MYO18A: variants seen among roughly 807,000 people sequenced by gnomAD.
The protein encoded by MYO18A is myosin XVIIIA.
Under a neutral mutation model 235.8 loss-of-function variants are expected in MYO18A, and 78 were observed. That is an observed-to-expected ratio of 0.33 (90% confidence interval 0.28 to 0.40). MYO18A has a LOEUF of 0.40. Among genes scored for constraint, MYO18A ranks in the 10% least tolerant of loss-of-function variants. MYO18A has a pLI of 1.00. For missense variants in MYO18A, 2,215 were observed against 2,699.3 expected (o/e 0.82, Z 3.98); for synonymous variants, 977 against 1,077.8 (o/e 0.91, Z 1.83).
intron 2 of MYO18A, among the ~76,000 whole-genome samples, chr17:29,165,102 G>C (rs1034264182): frequency 2.0e-5 from 3 of 152,186 alleles, no homozygotes; most frequent in Non-Finnish European, 4.4e-5. Context: ...ATCTGCCCCT[G>C]CTTTCTCTGC....
In MYO18A at chr17:29,167,700, C is replaced by CAA. The variant is rs748643802; in HGVS notation, c.-81-681_-81-680dup. 7.0e-3 allele frequency among the ~76,000 whole-genome samples: 841 copies of CAA among 119,322 alleles called. 9 individuals carry two copies. The highest frequency in any genetic ancestry group is 0.022 in the African/African-American group (780 of 34,784). 78.3% of individuals were successfully genotyped at this position (119,322 alleles called of 152,430 possible). ...TGGGCAACAGAGTGAGACCCTGTCT[C>CAA]AAAAAAAAAAAAAAGATTCAAACTC... is the stretch of plus-strand genomic sequence containing the variant. On this transcript the variant is annotated intron_variant, in intron 1 of 41. Coordinates refer to ENST00000527372, the MANE Select transcript of MYO18A (RefSeq NM_078471.4).
intron 2 of MYO18A, among the ~76,000 whole-genome samples, chr17:29,156,341 C>T (rs543386574): frequency 6.6e-5 from 10 of 152,338 alleles, no homozygotes; most frequent in Middle Eastern, 3.4e-3. Context: ...CCAAGCCTGG[C>T]ACCTTCATGT....
At position 29,169,134 on chromosome 17, in the gene MYO18A, C is replaced by T. The variant is rs182666209; in HGVS notation, c.-81-2113G>A. 7.0e-3 allele frequency among the ~76,000 whole-genome samples: 1,069 copies of T among 152,090 alleles called. 2 individuals carry two copies. The highest frequency in any genetic ancestry group is 0.011 in the Non-Finnish European group (734 of 67,962). ...GCGTGATCTCGGCTCACTGCAACCT[C>T]TGCCTCCCAGGGTTCACGCCATTCT... On this transcript the variant is annotated intron_variant, in intron 1 of 41. Coordinates refer to ENST00000527372, the MANE Select transcript of MYO18A (RefSeq NM_078471.4).
At chr17:29,142,896 C>T (rs2067771072) in intron 2 of MYO18A, among the ~76,000 whole-genome samples, 1 of 152,270 alleles carries the variant, frequency 6.6e-6, no homozygotes. Context: ...CAACCTCCGC[C>T]TCCCAGGTTC....
intron 41 of MYO18A, chr17:29,080,217 G>C (rs1298560969): frequency 1.0e-6 from 1 of 985,884 alleles, no homozygotes; most frequent in African/African-American, 1.7e-5. Context: ...CGGGCTCCAG[G>C]CTGCTCCGCT....
Position 29,140,639 on chromosome 17 carries a change from G to A in MYO18A, c.1000-18386C>T, listed in dbSNP as rs926991267. 4 of 190,982 alleles carry A rather than the reference G, an allele frequency of 2.1e-5. No individual in the cohort carries two copies. Among genetic ancestry groups the A allele is most frequent in the Non-Finnish European group, 4.5e-5 (4 of 88,212 alleles). 11.8% of individuals were successfully genotyped at this position (190,982 alleles called of 1,614,324 possible). A position where few individuals can be genotyped will look rare whatever the true frequency, so the allele number is the denominator to read the frequency against. On this transcript the variant is annotated intron_variant, in intron 2 of 41. Transcript: ENST00000527372. This position sits in a 1 kb window ranked among gnomAD's most constrained non-coding sequence, Gnocchi z 4.2. ...GGCAGTGTTAGGGGGTTAGGGCAAG[G>A]ACAGGGAGGGTGAGACTTGCCTATG...
At chr17:29,110,327 C>T (rs34438061) in intron 18 of MYO18A, 109 bp downstream of exon 18, 78,341 of 1,354,102 alleles carry the variant, frequency 0.058, 3,208 homozygotes, top group South Asian at 0.16. Flanking sequence ...CACAGTGGGA[C>T]GCTGAGTGGG....
rs1247792700 is a variant in MYO18A, at chr17:29,092,859, T to G, written c.5069A>C (p.Asn1690Thr). Residue 1690 changes from asparagine to threonine, a missense_variant, in exon 33 of 42, where the codon AAC becomes ACC. By Grantham distance (65) the Asn-to-Thr change is moderately conservative. Transcript: ENST00000527372. ...CCGTGTGCTCTCTGTGGATACCTGG[T>G]TCTTGAGCTGGGCAATCTCTCGCTT... Reference protein sequence around the residue: ...PSKREIAQLKNQLEESEFTCA... With the variant: ...PSKREIAQLKTQLEESEFTCA... 6.2e-7 allele frequency: 1 copy of G among 1,613,812 alleles called. No homozygotes were observed. The highest frequency in any genetic ancestry group is 1.7e-5 in the Admixed American group (1 of 60,020).
chr17:29,166,479 C>T lies in MYO18A; in HGVS notation c.462G>A (p.Ser154=), dbSNP rs1313427344. 4 of 1,613,472 alleles carry T rather than the reference C, an allele frequency of 2.5e-6. No individual in the cohort carries two copies. Among genetic ancestry groups the T allele is most frequent in the South Asian group, 2.2e-5 (2 of 91,068 alleles). ...GGGCGGCAGAGTGCTCTGAGGGCGTCGAGGTTTCTGAGGCGCTCTCATCCC... is the reference window on the plus strand; with the variant it reads ...GGGCGGCAGAGTGCTCTGAGGGCGTTGAGGTTTCTGAGGCGCTCTCATCCC... ...RSRDESASET[S]TPSEHSAAPS... The change falls in exon 2 of 42, where the codon TCG becomes TCA. Residue 154 remains serine (S), a synonymous_variant. Transcript: ENST00000527372.
At chr17:29,100,465 A>T (rs2066626919) in intron 21 of MYO18A, among the ~76,000 whole-genome samples, 1 of 152,064 alleles carries the variant, frequency 6.6e-6, no homozygotes, top group Non-Finnish European at 1.5e-5. Context: ...CAGCTGAGGG[A>T]CCTGTCATAC....
In MYO18A at chr17:29,121,974, G is replaced by C; in HGVS notation, c.1088-17C>G. On this transcript the variant is annotated splice_polypyrimidine_tract_variant and intron_variant, in intron 3 of 41. Coordinates refer to ENST00000527372, the MANE Select transcript of MYO18A (RefSeq NM_078471.4). The surrounding 1 kb of genome is among the most constrained non-coding windows in gnomAD (Gnocchi z 4.2). ...GTTGACTGGCTGCAGGGGAGGGACA[G>C]ACAGCTGGGATGGGCCTGGGAAGCC... 6.2e-7 allele frequency: 1 copy of C among 1,612,598 alleles called. No homozygotes were observed. The highest frequency in any genetic ancestry group is 8.5e-7 in the Non-Finnish European group (1 of 1,178,942).
At chr17:29,151,313 C>T (rs1248996414) in intron 2 of MYO18A, among the ~76,000 whole-genome samples, 1 of 152,146 alleles carries the variant, frequency 6.6e-6, no homozygotes, top group African/African-American at 2.4e-5. Context: ...GGTTCAGTTC[C>T]TACTAAGTTG....
rs745677420 is a variant in MYO18A at position 29,098,334 on chromosome 17, TGTG to T, written c.3870+19_3870+21del. 3.1e-4 allele frequency: 504 copies of T among 1,613,312 alleles called. No homozygotes were observed. The highest frequency in any genetic ancestry group is 3.8e-4 in the Non-Finnish European group (451 of 1,179,618). Reference sequence around the variant, plus strand: ...TCTCCCTGCAGCCATGCCCAGTCGGTGTGGTGCCAGGAGTCACTCACCCGGCTC... The same window carrying T: ...TCTCCCTGCAGCCATGCCCAGTCGGTGTGCCAGGAGTCACTCACCCGGCTC... On this transcript the variant is annotated intron_variant, in intron 24 of 41. Coordinates refer to ENST00000527372, the MANE Select transcript of MYO18A (RefSeq NM_078471.4).
intron 2 of MYO18A, chr17:29,128,581 C>T: frequency 8.4e-7 from 1 of 1,191,028 alleles, no homozygotes; most frequent in Non-Finnish European, 1.1e-6. Flanking sequence ...ATTAGCATCA[C>T]CCCTGCAGCC....
intron 2 of MYO18A, among the ~76,000 whole-genome samples, chr17:29,135,254 C>T (rs1324503682): frequency 6.6e-6 from 1 of 152,102 alleles, no homozygotes; most frequent in African/African-American, 2.4e-5. Context: ...GTGTCCACCA[C>T]CATGCCCAGC....
At chr17:29,175,429 T>G (rs1371009769) in intron 1 of MYO18A, among the ~76,000 whole-genome samples, 1 of 150,352 alleles carries the variant, frequency 6.7e-6, no homozygotes, top group African/African-American at 2.4e-5. Flanking sequence ...TGGTGCGATC[T>G]CGGCTCACTG....
In MYO18A at chr17:29,074,467, C is replaced by T. The variant is rs961909234; in HGVS notation, c.*303G>A. On this transcript the variant is annotated 3_prime_UTR_variant, in exon 42 of 42. Transcript: ENST00000527372. The surrounding 1 kb of genome is among the most constrained non-coding windows in gnomAD (Gnocchi z 4.4). Reference sequence around the variant, plus strand: ...GCTGAGAGGGAGGTCAACGTGCTGGCTCCATGCAGTGCCAGGCCACCTGCC... The same window carrying T: ...GCTGAGAGGGAGGTCAACGTGCTGGTTCCATGCAGTGCCAGGCCACCTGCC... 5.2e-6 allele frequency: 3 copies of T among 580,650 alleles called. No individual in the cohort carries two copies. In the African/African-American group the frequency reaches 5.6e-5, roughly 11 times the overall value. 36.0% of individuals were successfully genotyped at this position (580,650 alleles called of 1,614,324 possible).
rs2152702878 is a variant in MYO18A at position 29,073,632 on chromosome 17, C to T, written c.*1138G>A. The T allele has an allele frequency of 3.7e-6, 2 of 535,134 alleles. No homozygotes were observed. The highest frequency in any genetic ancestry group is 5.9e-5 in the South Asian group (2 of 34,026). The allele number at this position is 535,134 out of a possible 1,614,324, so 33.1% of individuals were successfully genotyped here. On this transcript the variant is annotated 3_prime_UTR_variant, in exon 42 of 42. Transcript: ENST00000527372. ...GGGGGGCGGCAGATGGGAGCAGCACCAGGCACTGCACTTGGGCTCCCAAGT... is the reference window on the plus strand; with the variant it reads ...GGGGGGCGGCAGATGGGAGCAGCACTAGGCACTGCACTTGGGCTCCCAAGT...
chr17:29,166,766 G>T lies in MYO18A; in HGVS notation c.175C>A (p.Arg59Ser). 6.2e-7 allele frequency: 1 copy of T among 1,613,604 alleles called. No homozygotes were observed. Among genetic ancestry groups the T allele is most frequent in the Non-Finnish European group, 8.5e-7 (1 of 1,179,778 alleles). Residue 59 changes from arginine to serine, a missense_variant, in exon 2 of 42, where the codon CGC becomes AGC. Arg to Ser is a moderately radical substitution (Grantham distance 110). Coordinates refer to ENST00000527372, the MANE Select transcript of MYO18A (RefSeq NM_078471.4). ...NRSSKRESKT[R>S]LEISNPIPIK... Reference sequence around the variant, plus strand: ...GGGATGGGGTTGGAGATTTCCAGGCGCGTCTTGGATTCACGCTTGGAGGAG... The same window carrying T: ...GGGATGGGGTTGGAGATTTCCAGGCTCGTCTTGGATTCACGCTTGGAGGAG...
Sources: allele counts gnomAD v4.1 joint callset (sites outside exome capture counted in the v4.1 genomes callset), GRCh38; gene constraint gnomAD v4.1.1; non-coding constraint Gnocchi (gnomAD v3.1); transcripts MANE v1.5; gene names NCBI Gene and HGNC (gene_info 2026-07-23, HGNC 2026-07-21).